The following NALF1 variants were observed in gnomAD, a reference collection of about 807,000 sequenced individuals.
The protein encoded by NALF1 is NALCN channel auxiliary factor 1, also known as family with sequence similarity 155 member A.
In NALF1, 3 loss-of-function variants were observed where a neutral mutation model predicts 48.4. That is an observed-to-expected ratio of 0.06 (90% CI 0.03 to 0.16). NALF1 has a LOEUF of 0.16. NALF1 is among the 10% of genes least tolerant of loss of function. The pLI, the probability that NALF1 is intolerant of heterozygous loss-of-function variation, is 1.00. For missense variants in NALF1, 526 were observed against 571.5 expected, an observed-to-expected ratio of 0.92 and a Z score of 0.81; for synonymous variants, 262 against 245.7, an observed-to-expected ratio of 1.07 and a Z score of -0.62.
chr13:107,472,655 C>T (rs1242840750), intron 1 of NALF1, among the ~76,000 whole-genome samples: 1 of 152,110 alleles, frequency 6.6e-6, no homozygotes, highest in African/African-American at 2.4e-5. Context: ...TGAACATAGG[C>T]CTCCAAGTTA....
intron 1 of NALF1, among the ~76,000 whole-genome samples, chr13:107,494,387 A>G (rs1004923227): frequency 2.5e-4 from 38 of 152,286 alleles, no homozygotes; most frequent in African/African-American, 9.1e-4. Flanking sequence ...TGATAAACAG[A>G]AAAAAGCAAC....
chr13:107,818,960 T>C (rs1439207296), intron 1 of NALF1, among the ~76,000 whole-genome samples: 1 of 150,608 alleles, frequency 6.6e-6, no homozygotes, highest in African/African-American at 2.4e-5. Context: ...GTTCTTGCAG[T>C]GTGAGAATGC....
At chr13:107,703,298 T>C (rs964246358) in intron 1 of NALF1, among the ~76,000 whole-genome samples, 1 of 152,180 alleles carries the variant, frequency 6.6e-6, no homozygotes, top group African/African-American at 2.4e-5. Context: ...ATAATATGTT[T>C]CTTCTTTGAA....
At chr13:107,341,033 T>C (rs377687104) in intron 1 of NALF1, among the ~76,000 whole-genome samples, 1 of 152,084 alleles carries the variant, frequency 6.6e-6, no homozygotes, top group Non-Finnish European at 1.5e-5. Flanking sequence ...CATCTCCTAG[T>C]ATCACCCCCC....
chr13:107,601,847 A>AC, intron 1 of NALF1, among the ~76,000 whole-genome samples: 1 of 152,204 alleles, frequency 6.6e-6, no homozygotes, highest in African/African-American at 2.4e-5. Flanking sequence ...AAATGCTGTT[A>AC]CTTAAACCCA....
At chr13:107,382,730 T>C (rs1883461293) in intron 1 of NALF1, among the ~76,000 whole-genome samples, 1 of 152,286 alleles carries the variant, frequency 6.6e-6, no homozygotes, top group South Asian at 2.1e-4. Context: ...AGAGTGCTGA[T>C]TGGTCGTTTG....
intron 1 of NALF1, among the ~76,000 whole-genome samples, chr13:107,236,666 T>TGTCG (rs1880349328): frequency 8.3e-6 from 1 of 119,892 alleles, no homozygotes; most frequent in Non-Finnish European, 1.8e-5. Flanking sequence ...TCTATCCATC[T>TGTCG]GTCTGTCTAT....
chr13:107,275,042 C>T (rs951013110), intron 1 of NALF1, among the ~76,000 whole-genome samples: 4 of 152,088 alleles, frequency 2.6e-5, no homozygotes, highest in African/African-American at 7.2e-5. Flanking sequence ...GTGTAAGGTG[C>T]CCTACATGCA....
intron 1 of NALF1, among the ~76,000 whole-genome samples, chr13:107,552,005 C>T (rs1464198199): frequency 6.6e-6 from 1 of 152,046 alleles, no homozygotes; most frequent in Admixed American, 6.6e-5. Flanking sequence ...ACATCTTCTT[C>T]AAAGTGTCAA....
chr13:107,838,187 G>A (rs1378679474), intron 1 of NALF1, among the ~76,000 whole-genome samples: 1 of 151,958 alleles, frequency 6.6e-6, no homozygotes, highest in African/African-American at 2.4e-5. Flanking sequence ...TCTGAATGTA[G>A]CCAGAAACAA....
At chr13:107,423,653 A>T (rs1884230448) in intron 1 of NALF1, among the ~76,000 whole-genome samples, 1 of 152,194 alleles carries the variant, frequency 6.6e-6, no homozygotes, top group African/African-American at 2.4e-5. Context: ...TGTGTGACTA[A>T]ACCCTGCCTT....
In NALF1 at chr13:107,652,351, T is replaced by A. The variant is rs1268380735; in HGVS notation, c.915+213331A>T. The stretch of plus-strand genomic sequence containing the variant: ...CTTAATGACTTTTAACATATTTAAA[T>A]GTTATTATTAGAGAAATAGTTATGG... On this transcript the variant is annotated intron_variant, in intron 1 of 2. Coordinates refer to ENST00000375915, the MANE Select transcript of NALF1 (RefSeq NM_001080396.3). Among the ~76,000 whole-genome samples, 3 of 152,214 alleles carry A rather than the reference T, an allele frequency of 2.0e-5. 1 individual carries two copies.
chr13:107,541,804 T>A (rs541567081), intron 1 of NALF1, among the ~76,000 whole-genome samples: 18 of 152,228 alleles, frequency 1.2e-4, no homozygotes, highest in African/African-American at 4.1e-4. Flanking sequence ...GAACCTCTAT[T>A]CCTCAATGAT....
At chr13:107,505,396 C>T (rs1003801646) in intron 1 of NALF1, among the ~76,000 whole-genome samples, 14 of 152,086 alleles carry the variant, frequency 9.2e-5, no homozygotes, top group Non-Finnish European at 2.1e-4. Flanking sequence ...GAGAATGGTA[C>T]ATAGTCTATT....
chr13:107,781,192 T>C (rs1288508508), intron 1 of NALF1, among the ~76,000 whole-genome samples: 1 of 152,218 alleles, frequency 6.6e-6, no homozygotes, highest in Admixed American at 6.5e-5. Flanking sequence ...AATTTCATTT[T>C]GTTTCTGTGT....
intron 1 of NALF1, among the ~76,000 whole-genome samples, chr13:107,586,634 G>GTTTTTTTTTTTTTTTTTTTTTTTTT (rs1403213630): frequency 5.3e-4 from 3 of 5,662 alleles, no homozygotes; most frequent in Admixed American, 2.3e-3. Context: ...CCCCTATGGA[G>GTTTTTTTTTTTTTTTTTTTTTTTTT]ATTTTTTTTT....
chr13:107,267,046 T>C (rs1881054793), intron 1 of NALF1, among the ~76,000 whole-genome samples: 2 of 152,180 alleles, frequency 1.3e-5, no homozygotes, highest in South Asian at 2.1e-4. Flanking sequence ...TTAACTGAGG[T>C]CCACAAGTCA....
chr13:107,614,694 T>TA (rs1163327817), intron 1 of NALF1, among the ~76,000 whole-genome samples: 6 of 152,164 alleles, frequency 3.9e-5, no homozygotes, highest in African/African-American at 2.4e-5. Flanking sequence ...TACTCTGAAA[T>TA]ATTGAAATGC....
At chr13:107,782,912 G>A (rs1018868840) in intron 1 of NALF1, among the ~76,000 whole-genome samples, 4 of 151,128 alleles carry the variant, frequency 2.6e-5, no homozygotes, top group Non-Finnish European at 4.4e-5. Flanking sequence ...GCCCCGTCCA[G>A]GAGGGAGGTG....
Sources: allele counts gnomAD v4.1 joint callset (sites outside exome capture counted in the v4.1 genomes callset), GRCh38; gene constraint gnomAD v4.1.1; transcripts MANE v1.5; gene names NCBI Gene and HGNC (gene_info 2026-07-23, HGNC 2026-07-21).